NEK5: variants seen among roughly 807,000 people sequenced by gnomAD.
NEK5 encodes the protein serine/threonine-protein kinase Nek5.
A neutral mutation model predicts 109.2 loss-of-function variants in NEK5; 88 were observed. The observed-to-expected ratio is 0.81, with a 90% CI of 0.68 to 0.96. The LOEUF (loss-of-function observed/expected upper bound fraction) is 0.96, where lower values mean the gene tolerates loss of function less well. Among genes scored for constraint, NEK5 ranks in the 40% least tolerant of loss-of-function variants. The pLI, the probability that NEK5 is intolerant of heterozygous loss-of-function variation, is 0.00. For synonymous variants in NEK5, 283 were observed against 299.9 expected (o/e 0.94, Z 0.58); for missense variants, 834 against 920.7 (o/e 0.91, Z 1.22).
chr13:52,122,995 C>T (rs559246573), intron 3 of NEK5, among the ~76,000 whole-genome samples: 23 of 152,202 alleles, frequency 1.5e-4, no homozygotes, highest in Admixed American at 9.2e-4. Flanking sequence ...AGATAAAACA[C>T]TTTTATTTGA....
intron 12 of NEK5, among the ~76,000 whole-genome samples, chr13:52,093,960 T>C (rs1201637849): frequency 6.6e-6 from 1 of 152,262 alleles, no homozygotes; most frequent in Non-Finnish European, 1.5e-5. Flanking sequence ...GCAACATTTT[T>C]AGTTTCTGAT....
intron 20 of NEK5, among the ~76,000 whole-genome samples, chr13:52,069,531 T>C (rs1593934099): frequency 6.6e-6 from 1 of 152,228 alleles, no homozygotes; most frequent in Non-Finnish European, 1.5e-5. Context: ...CAGTCTTATA[T>C]AGAATCTGCA....
At position 52,102,169 on chromosome 13, in the gene NEK5, G is replaced by A. The variant is rs771993979; in HGVS notation, c.733C>T (p.Arg245Ter). The change falls in exon 10 of 24, where the codon CGA (arginine) becomes TGA (stop). Residue 245 changes from arginine (R) to a stop codon, truncating the protein, a stop_gained. Transcript: ENST00000684899. LOFTEE classifies it high-confidence loss of function. Reference sequence around the variant, plus strand: ...ATGGAATTTATGGATGGTCGGTCTCGAGGAGATACTTGAAAGAGCTGAGAT... The same window carrying A: ...ATGGAATTTATGGATGGTCGGTCTCAAGGAGATACTTGAAAGAGCTGAGAT... ...LISQLFQVSP[R>*]DRPSINSILK... 19 of 1,613,628 alleles carry A rather than the reference G, an allele frequency of 1.2e-5. 1 individual carries two copies. The highest frequency in any genetic ancestry group is 1.1e-4 in the South Asian group (10 of 91,068).
At chr13:52,064,205 C>T (rs1169331948) in intron 21 of NEK5, among the ~76,000 whole-genome samples, 8 of 141,684 alleles carry the variant, frequency 5.6e-5, no homozygotes, top group Admixed American at 1.4e-4. Flanking sequence ...CCCGGCCAGC[C>T]GCCCCGTCCG....
At chr13:52,104,099 G>A (rs1955599685) in intron 9 of NEK5, among the ~76,000 whole-genome samples, 1 of 151,820 alleles carries the variant, frequency 6.6e-6, no homozygotes, top group Admixed American at 6.6e-5. Context: ...AGCTGGGACT[G>A]CAGGCACATG....
At position 52,084,762 on chromosome 13, in the gene NEK5, A is replaced by AGAGT. The variant is rs1228944662; in HGVS notation, c.1480-1411_1480-1410insACTC. 5.7e-3 allele frequency among the ~76,000 whole-genome samples: 270 copies of AGAGT among 47,452 alleles called. 1 individual carries two copies. Among genetic ancestry groups the AGAGT allele is most frequent in the Middle Eastern group, 0.015 (1 of 66 alleles). 31.1% of individuals were successfully genotyped at this position (47,452 alleles called of 152,430 possible). ...GAGAGAGAGAGAGAGAGAGAGAGAG[A>AGAGT]GTGTGTGTGTGTGTGTGTGTGTGTG... On this transcript the variant is annotated intron_variant, in intron 16 of 23. Transcript: ENST00000684899.
rs550474704 is a variant in NEK5, at chr13:52,101,513, C to T, written c.892+420G>A. Among the ~76,000 whole-genome samples, 3 of 152,348 alleles carry T rather than the reference C, an allele frequency of 2.0e-5. No homozygotes were observed. In the East Asian group the frequency reaches 5.8e-4, roughly 29 times the overall value. ...TATCAATTAGGCCCCAAGATCCTAA[C>T]TTCAGCTCCAATGGTCCTTTGCAAC... On this transcript the variant is annotated intron_variant, in intron 11 of 23. Coordinates refer to ENST00000684899, the MANE Select transcript of NEK5 (RefSeq NM_001365552.1).
intron 19 of NEK5, among the ~76,000 whole-genome samples, 158 bp downstream of exon 19, chr13:52,075,600 A>G (rs1042818630): frequency 6.6e-6 from 1 of 152,146 alleles, no homozygotes; most frequent in Non-Finnish European, 1.5e-5. Flanking sequence ...ATCACACAAC[A>G]TATCCAGGTA....
chr13:52,087,225 G>A, intron 15 of NEK5, 113 bp downstream of exon 15: 1 of 612,264 alleles, frequency 1.6e-6, no homozygotes, highest in Non-Finnish European at 3.0e-6. Flanking sequence ...ACTCAGCATG[G>A]TGTTGACATA....
chr13:52,044,339 G>A (rs1954439047), intron 23 of NEK5, among the ~76,000 whole-genome samples: 1 of 151,986 alleles, frequency 6.6e-6, no homozygotes, highest in East Asian at 1.9e-4. Context: ...ATACAACTCC[G>A]CCATTCCACT....
chr13:52,100,657 T>C (rs944131241), intron 11 of NEK5, among the ~76,000 whole-genome samples: 1 of 152,032 alleles, frequency 6.6e-6, no homozygotes, highest in Non-Finnish European at 1.5e-5. Flanking sequence ...GAGGATTGTT[T>C]GAGCTCAGGA....
At chr13:52,117,590 C>T (rs1771237940) in intron 4 of NEK5, among the ~76,000 whole-genome samples, 1 of 152,270 alleles carries the variant, frequency 6.6e-6, no homozygotes, top group South Asian at 2.1e-4. Context: ...TAAGGAAATA[C>T]TCCAGTCTCT....
At position 52,083,274 on chromosome 13, in the gene NEK5, C is replaced by G. The variant is rs200160344; in HGVS notation, c.1558G>C (p.Glu520Gln). The change falls in exon 17 of 24, where the codon GAA becomes CAA. Residue 520 changes from glutamate (E) to glutamine (Q), a missense_variant. Coordinates refer to ENST00000684899, the MANE Select transcript of NEK5 (RefSeq NM_001365552.1). ...GCCATCATTACCTGCACAGGTGCTT[C>G]TCCCTCAGATGCATCTTGATGGACA... is the stretch of plus-strand genomic sequence containing the variant. ...LPVHQDASEG[E>Q]APVQDIEKDL... 83 of 1,610,354 alleles carry G rather than the reference C, an allele frequency of 5.2e-5. 1 individual carries two copies. The highest frequency in any genetic ancestry group is 6.8e-6 in the Non-Finnish European group (8 of 1,176,674).
At chr13:52,047,290 T>A (rs952338301) in intron 23 of NEK5, among the ~76,000 whole-genome samples, 2 of 152,210 alleles carry the variant, frequency 1.3e-5, no homozygotes, top group South Asian at 4.1e-4. Context: ...CATAATACTG[T>A]TAAATAAAAA....
At chr13:52,098,725 GAAATTAGA>G (rs768036870) in intron 12 of NEK5, among the ~76,000 whole-genome samples, 1 of 151,998 alleles carries the variant, frequency 6.6e-6, no homozygotes, top group Non-Finnish European at 1.5e-5. Flanking sequence ...TTATTTATTA[GAAATTAGA>G]AGAATTTCAG....
At chr13:52,105,159 C>T (rs1235748994) in intron 8 of NEK5, among the ~76,000 whole-genome samples, 1 of 151,600 alleles carries the variant, frequency 6.6e-6, no homozygotes, top group Non-Finnish European at 1.5e-5. Flanking sequence ...AATCAGAAGT[C>T]AAGGAGTCAA....
intron 16 of NEK5, among the ~76,000 whole-genome samples, chr13:52,084,810 TGTGTG>T (rs1955105016): frequency 7.4e-6 from 1 of 134,524 alleles, no homozygotes; most frequent in Non-Finnish European, 1.7e-5. Flanking sequence ...TGTGTGTGTG[TGTGTG>T]TTTAGAGCTA....
intron 23 of NEK5, among the ~76,000 whole-genome samples, chr13:52,042,121 T>C (rs1240296809): frequency 6.6e-6 from 1 of 151,990 alleles, no homozygotes; most frequent in Non-Finnish European, 1.5e-5. Context: ...AAAAAATAGT[T>C]GTCAACCTAA....
chr13:52,053,969 A>G (rs1954530477), intron 22 of NEK5, among the ~76,000 whole-genome samples: 1 of 152,276 alleles, frequency 6.6e-6, no homozygotes, highest in Non-Finnish European at 1.5e-5. Context: ...CTACCAAAAT[A>G]TATGAAAGAG....
Sources: allele counts gnomAD v4.1 joint callset (sites outside exome capture counted in the v4.1 genomes callset), GRCh38; gene constraint gnomAD v4.1.1; transcripts MANE v1.5; gene names NCBI Gene and HGNC (gene_info 2026-07-23, HGNC 2026-07-21).